Variants in PFKFB2 observed in about 807,000 individuals in gnomAD.
The protein encoded by PFKFB2 is 6-phosphofructo-2-kinase/fructose-2,6-bisphosphatase 2.
Under a neutral mutation model 68.0 loss-of-function variants are expected in PFKFB2, and 53 were observed. The observed-to-expected ratio is 0.78, with a 90% CI of 0.63 to 0.98. The LOEUF is 0.98. Ranked by LOEUF, PFKFB2 falls within the 50% of genes least tolerant of loss-of-function variation. The pLI, the probability that PFKFB2 is intolerant of heterozygous loss-of-function variation, is 0.00. For missense variants in PFKFB2, 451 were observed against 642.0 expected (o/e 0.70, Z 3.22); for synonymous variants, 222 against 227.6 (o/e 0.98, Z 0.22).
intron 1 of PFKFB2, among the ~76,000 whole-genome samples, chr1:207,035,674 C>CAAAAAA (rs577038375): frequency 2.0e-5 from 3 of 149,584 alleles, no homozygotes; most frequent in African/African-American, 7.5e-5. Flanking sequence ...AACAAACAAA[C>CAAAAAA]AAAAAAAACA....
Position 207,063,245 on chromosome 1 carries a change from CA to C in PFKFB2, c.375+37del. ...TCTGCTGCTTCTTCTTTCTGGTCCC[CA>C]CCCTTGCAGCAGCCTGGCTACCCAG... is the stretch of plus-strand genomic sequence containing the variant. On this transcript the variant is annotated intron_variant, in intron 5 of 14. Transcript: ENST00000367080. The surrounding 1 kb of genome is among the most constrained non-coding windows in gnomAD (Gnocchi z 4.1). 6.2e-7 allele frequency: 1 copy of C among 1,602,322 alleles called. No individual in the cohort carries two copies. Among genetic ancestry groups the C allele is most frequent in the Non-Finnish European group, 8.6e-7 (1 of 1,169,230 alleles).
At chr1:207,049,138 A>C (rs1277208415), upstream of PFKFB2, 1 of 1,613,968 alleles carries the variant, frequency 6.2e-7, no homozygotes, top group African/African-American at 1.3e-5. Flanking sequence ...GACATCAGTA[A>C]ACTGTCTCCT....
rs544060406 is a variant in PFKFB2, at chr1:207,054,352, A to C, written c.-17-349A>C. On this transcript the variant is annotated intron_variant, in intron 1 of 14. Coordinates refer to ENST00000367080, the MANE Select transcript of PFKFB2 (RefSeq NM_006212.2). The stretch of plus-strand genomic sequence containing the variant: ...AATCTGAGGTCATGAAACCTTGAGC[A>C]GGACACTTAATTCGATGAATCTCAA... Among the ~76,000 whole-genome samples, 9 of 152,334 alleles carry C rather than the reference A, an allele frequency of 5.9e-5. No individual in the cohort carries two copies. In the South Asian group the frequency reaches 1.9e-3, roughly 32 times the overall value.
chr1:207,075,482 C>T lies in PFKFB2; in HGVS notation c.*3111C>T. The T allele has an allele frequency of 1.0e-6, 1 of 985,426 alleles. No homozygotes were observed. The highest frequency in any genetic ancestry group is 1.7e-5 in the African/African-American group (1 of 57,364). 61.0% of individuals were successfully genotyped at this position (985,426 alleles called of 1,614,324 possible). ...TACTTCTCATCTTTTCTCTCCTGGT[C>T]TTACTTGAATGCATGTTGGTAATCT... On this transcript the variant is annotated 3_prime_UTR_variant, in exon 15 of 15. Coordinates refer to ENST00000367080, the MANE Select transcript of PFKFB2 (RefSeq NM_006212.2).
chr1:207,050,640 C>T, upstream of PFKFB2: 1 of 1,603,962 alleles, frequency 6.2e-7, no homozygotes, highest in Non-Finnish European at 8.5e-7. Context: ...TCTCACGCCC[C>T]TCTCCATCCT....
At chr1:207,047,045 A>G (rs1682616244) in intron 2 of PFKFB2, 1 of 152,494 alleles carries the variant, frequency 6.6e-6, no homozygotes, top group Non-Finnish European at 1.5e-5. Flanking sequence ...CTTAATTTAC[A>G]GTTTTAAATT....
chr1:207,063,973 A>G lies in PFKFB2; in HGVS notation c.507+144A>G, dbSNP rs763062121. The G allele has an allele frequency of 2.8e-6, 2 of 711,432 alleles. No homozygotes were observed. Among genetic ancestry groups the G allele is most frequent in the Non-Finnish European group, 5.1e-6 (2 of 393,886 alleles). 44.1% of individuals were successfully genotyped at this position (711,432 alleles called of 1,614,324 possible). ...GAGAAATAGACATGTTTAACATCAC[A>G]AAGAGATCTTTTCTATCTGCCAGAG... is the stretch of plus-strand genomic sequence containing the variant. On this transcript the variant is annotated intron_variant, in intron 7 of 14. Transcript: ENST00000367080. The surrounding 1 kb of genome is among the most constrained non-coding windows in gnomAD (Gnocchi z 4.1).
At chr1:207,050,830 G>C (rs755970691), upstream of PFKFB2, 1 of 1,613,078 alleles carries the variant, frequency 6.2e-7, no homozygotes, top group East Asian at 2.2e-5. Flanking sequence ...CCCGCACCCG[G>C]GTCCGGCTGG....
At chr1:207,057,195 C>T (rs1172378024) in intron 2 of PFKFB2, among the ~76,000 whole-genome samples, 1 of 151,368 alleles carries the variant, frequency 6.6e-6, no homozygotes, top group Non-Finnish European at 1.5e-5. Flanking sequence ...CGCCTGTAAT[C>T]CCAGCACTTT....
chr1:207,069,890 C>G (rs904497146), intron 11 of PFKFB2, among the ~76,000 whole-genome samples: 1 of 152,014 alleles, frequency 6.6e-6, no homozygotes, highest in Admixed American at 6.5e-5. Flanking sequence ...AGGCTATTTC[C>G]TTGTCTAAGT....
At chr1:207,061,077 T>TTATATATCTTTA (rs1174121586) in intron 2 of PFKFB2, 3 of 85,798 alleles carry the variant, frequency 3.5e-5, no homozygotes, top group East Asian at 4.9e-4. Flanking sequence ...ATATATATCT[T>TTATATATCTTTA]TATATATCTT....
downstream of PFKFB2, among the ~76,000 whole-genome samples, chr1:207,078,294 C>T (rs989946678): frequency 1.3e-5 from 2 of 152,146 alleles, no homozygotes; most frequent in African/African-American, 4.8e-5. Context: ...TTACCATTCG[C>T]ATGCCTTATT....
At chr1:207,036,953 A>T (rs1281611990) in intron 1 of PFKFB2, among the ~76,000 whole-genome samples, 2 of 152,182 alleles carry the variant, frequency 1.3e-5, no homozygotes, top group East Asian at 3.8e-4. Flanking sequence ...TGTTGCTATT[A>T]TTTACCCCAC....
At chr1:207,045,435 A>C (rs746362302) in intron 2 of PFKFB2, 3 of 152,504 alleles carry the variant, frequency 2.0e-5, no homozygotes, top group Non-Finnish European at 2.9e-5. Context: ...GCTGATGGTT[A>C]GTAGCTCAAG....
Position 207,076,081 on chromosome 1 carries a change from A to C in PFKFB2, c.*3710A>C, listed in dbSNP as rs1375731863. On this transcript the variant is annotated 3_prime_UTR_variant, in exon 15 of 15. Coordinates refer to ENST00000367080, the MANE Select transcript of PFKFB2 (RefSeq NM_006212.2). ...GTTTGTTTGTTTCCAAAGAAGTTGG[A>C]GTTAAGGACACAATATATTTGTACC... 1.0e-6 allele frequency: 1 copy of C among 985,232 alleles called. No individual in the cohort carries two copies. Among genetic ancestry groups the C allele is most frequent in the African/African-American group, 1.7e-5 (1 of 57,214 alleles). The allele number at this position is 985,232 out of a possible 1,614,324, so 61.0% of individuals were successfully genotyped here.
Position 207,074,331 on chromosome 1 carries a change from G to A in PFKFB2, c.*1960G>A, listed in dbSNP as rs537063959. On this transcript the variant is annotated 3_prime_UTR_variant, in exon 15 of 15. Coordinates refer to ENST00000367080, the MANE Select transcript of PFKFB2 (RefSeq NM_006212.2). ...AATGATATAACCCCCTGGAAGGCAG[G>A]CTGCTGTGTTTTAGAGGGTTATTCT... The A allele has an allele frequency of 2.1e-5, 21 of 985,388 alleles. No individual in the cohort carries two copies. Among genetic ancestry groups the A allele is most frequent in the Non-Finnish European group, 2.5e-5 (21 of 829,918 alleles). 61.0% of individuals were successfully genotyped at this position (985,388 alleles called of 1,614,324 possible).
upstream of PFKFB2, chr1:207,052,077 G>T (rs990475102): frequency 1.1e-6 from 1 of 877,924 alleles, no homozygotes; most frequent in Non-Finnish European, 1.8e-6. Flanking sequence ...TCTTTATCCA[G>T]CCGGGATTCA....
At chr1:207,057,594 A>G (rs1436159414) in intron 2 of PFKFB2, among the ~76,000 whole-genome samples, 1 of 151,898 alleles carries the variant, frequency 6.6e-6, no homozygotes, top group Non-Finnish European at 1.5e-5. Flanking sequence ...CTTTCCCTAA[A>G]TACAAAAGCA....
chr1:207,067,763 T>TG, intron 9 of PFKFB2, 57 bp downstream of exon 9: 3 of 1,355,218 alleles, frequency 2.2e-6, no homozygotes, highest in Non-Finnish European at 3.1e-6. Context: ...AGGGCATGAC[T>TG]GAGGTCATAT....
Sources: gnomAD v4.1 joint callset for allele counts (sites outside exome capture counted in the v4.1 genomes callset) on GRCh38, gnomAD v4.1.1 for gene constraint, Gnocchi (gnomAD v3.1) non-coding constraint, MANE v1.5 for transcripts, NCBI Gene and HGNC (gene_info 2026-07-23, HGNC 2026-07-21) for gene names.